Variants in SCART1 observed in about 807,000 individuals in gnomAD.
SCART1 encodes scavenger receptor cysteine-rich domain-containing protein SCART1.
A neutral mutation model predicts 36.2 loss-of-function variants in SCART1; 62 were observed. The observed-to-expected ratio is 1.71, with a 90% CI of 1.40 to 2.12. SCART1 has a LOEUF of 2.12. Ranked by LOEUF, SCART1 falls within the 30% of genes most tolerant of loss-of-function variation. SCART1 has a pLI of 0.00. For missense variants in SCART1, 1,041 were observed against 540.5 expected (o/e 1.93, Z -9.18); for synonymous variants, 487 against 238.7 (o/e 2.04, Z -9.59).
At chr10:133,464,888 C>A in exon 7 of SCART1, 2 of 702,916 alleles carry the variant, frequency 2.8e-6, no homozygotes, top group Non-Finnish European at 5.2e-6. Context: ...ATGGCACCCG[C>A]ACTCTTGCGA....
chr10:133,463,309 GT>G (rs1850724559), intron 6 of SCART1, among the ~76,000 whole-genome samples: 1 of 152,024 alleles, frequency 6.6e-6, no homozygotes, highest in South Asian at 2.1e-4. Flanking sequence ...TGGTTTTGTG[GT>G]AAGAGCACCT....
intron 2 of SCART1, 126 bp from the exon 3 acceptor site, chr10:133,457,153 C>T (rs1850626881): frequency 1.4e-5 from 9 of 639,220 alleles, no homozygotes; most frequent in Admixed American, 2.8e-5. Context: ...TGTGACTGCC[C>T]GGTCACCTGC....
chr10:133,458,093 C>T, intron 3 of SCART1: 1 of 668,346 alleles, frequency 1.5e-6, no homozygotes, highest in Non-Finnish European at 2.7e-6. Context: ...CTGTCATGGC[C>T]TCGGACAGGC....
intron 6 of SCART1, among the ~76,000 whole-genome samples, chr10:133,461,797 TCTG>T (rs1315468078): frequency 6.6e-6 from 1 of 152,230 alleles, no homozygotes; most frequent in African/African-American, 2.4e-5. Flanking sequence ...TCTAGAACAT[TCTG>T]CTGGTTTCTG....
At chr10:133,467,903 C>A (rs1242544493) in exon 12 of SCART1, 2 of 700,164 alleles carry the variant, frequency 2.9e-6, no homozygotes, top group Non-Finnish European at 5.2e-6. Context: ...GGAGGGAGGA[C>A]ACAGCAGACC....
exon 6 of SCART1, chr10:133,460,080 G>A (rs1057384230): frequency 1.5e-5 from 8 of 517,886 alleles, no homozygotes; most frequent in Admixed American, 4.0e-5. Context: ...GGGCTGCCAG[G>A]GCCACGAGTC....
At chr10:133,456,971 T>G in intron 2 of SCART1, 1 of 514,568 alleles carries the variant, frequency 1.9e-6, no homozygotes. Flanking sequence ...ACATTTTATG[T>G]GGCTGTGAGG....
At chr10:133,469,489 T>C (rs1312934803), downstream of SCART1, among the ~76,000 whole-genome samples, 1 of 151,774 alleles carries the variant, frequency 6.6e-6, no homozygotes, top group Non-Finnish European at 1.5e-5. Flanking sequence ...AAACTAACAC[T>C]GGAACAGAAA....
At chr10:133,466,515 A>G (rs1850767954) in intron 10 of SCART1, 134 bp downstream of exon 10, 1 of 583,618 alleles carries the variant, frequency 1.7e-6, no homozygotes, top group Middle Eastern at 2.7e-4. Flanking sequence ...CTACCCCCAA[A>G]GTCCAAGGAA....
Position 133,459,016 on chromosome 10 carries a change from C to T in SCART1, c.980-5C>T, listed in dbSNP as rs1266053732. 3.0e-6 allele frequency: 2 copies of T among 674,398 alleles called. No individual in the cohort carries two copies. Among genetic ancestry groups the T allele is most frequent in the Admixed American group, 4.3e-5 (2 of 46,580 alleles). 41.8% of individuals were successfully genotyped at this position (674,398 alleles called of 1,614,324 possible). A position where few individuals can be genotyped will look rare whatever the true frequency, so the allele number is the denominator to read the frequency against. ...CAAGCCAGGCTGACTCCTCCTCTCC[C>T]CCAGAGTTCAGGATGGTCAACGGCA... On this transcript the variant is annotated splice_region_variant and splice_polypyrimidine_tract_variant and intron_variant, in intron 4 of 11. Transcript: ENST00000640237.
chr10:133,457,418 G>C, exon 3 of SCART1: 2 of 702,266 alleles, frequency 2.8e-6, no homozygotes, highest in Non-Finnish European at 5.2e-6. Context: ...GGGAGCTGGG[G>C]TGCGGCCCTG....
At chr10:133,462,228 A>G (rs937998400) in intron 6 of SCART1, among the ~76,000 whole-genome samples, 2 of 152,208 alleles carry the variant, frequency 1.3e-5, no homozygotes, top group African/African-American at 4.8e-5. Flanking sequence ...TTTTGTGCCT[A>G]TGCTGCTGCT....
intron 4 of SCART1, 84 bp downstream of exon 4, chr10:133,458,740 C>T: frequency 2.9e-6 from 2 of 682,300 alleles, no homozygotes; most frequent in Admixed American, 2.3e-5. Flanking sequence ...GTGCCTCTGG[C>T]CAGTAGGTGT....
chr10:133,458,710 A>G (rs564248302), intron 4 of SCART1, 54 bp downstream of exon 4: 43 of 694,906 alleles, frequency 6.2e-5, no homozygotes, highest in East Asian at 3.8e-4. Flanking sequence ...TTCTCTGTCA[A>G]ATCCCTTCGT....
At chr10:133,468,731 G>A (rs562431666) in exon 12 of SCART1, 4 of 152,242 alleles carry the variant, frequency 2.6e-5, no homozygotes, top group Admixed American at 1.3e-4. Flanking sequence ...TATCTATTAA[G>A]ATGATAGATG....
chr10:133,458,675 G>T lies in SCART1; in HGVS notation c.979+19G>T. The T allele has an allele frequency of 1.4e-6, 1 of 700,476 alleles. No individual in the cohort carries two copies. Among genetic ancestry groups the T allele is most frequent in the Non-Finnish European group, 2.6e-6 (1 of 384,802 alleles). The allele number at this position is 700,476 out of a possible 1,614,324, so 43.4% of individuals were successfully genotyped here. On this transcript the variant is annotated intron_variant, in intron 4 of 11. Coordinates refer to ENST00000640237, the Ensembl canonical transcript of SCART1. ...TGCTCAGGTGAAGTCCTGTGTGTGG[G>T]CTCTGAAGGCTCAGCCCTGCCTTGT...
At chr10:133,458,425 G>A in exon 4 of SCART1, 1 of 701,060 alleles carries the variant, frequency 1.4e-6, no homozygotes, top group Non-Finnish European at 2.6e-6. Flanking sequence ...GGTGACCTGG[G>A]GCACCGTCTG....
At chr10:133,456,631 G>C (rs574331274) in intron 2 of SCART1, 77 bp downstream of exon 2, 2 of 600,352 alleles carry the variant, frequency 3.3e-6, no homozygotes, top group East Asian at 5.6e-5. Context: ...CTGGGAGGAC[G>C]CAGAGGAGGA....
intron 3 of SCART1, chr10:133,457,971 G>A: frequency 1.9e-6 from 1 of 517,560 alleles, no homozygotes; most frequent in Non-Finnish European, 3.5e-6. Flanking sequence ...GTGCATATGA[G>A]GAGCAGCTGA....
Sources: gnomAD v4.1 joint callset for allele counts (sites outside exome capture counted in the v4.1 genomes callset) on GRCh38, gnomAD v4.1.1 for gene constraint, MANE v1.5 for transcripts, NCBI Gene and HGNC (gene_info 2026-07-23, HGNC 2026-07-21) for gene names.